Variants in ADAMDEC1 observed in about 807,000 individuals in gnomAD.
ADAMDEC1 encodes the protein ADAM DEC1.
A neutral mutation model predicts 60.4 loss-of-function variants in ADAMDEC1; 62 were observed. The ratio of observed to expected loss-of-function variants is 1.03; its 90% confidence interval spans 0.84 to 1.27. The LOEUF (loss-of-function observed/expected upper bound fraction) is 1.27. Among genes scored for constraint, ADAMDEC1 ranks in the 50% most tolerant of loss-of-function variants. The pLI, the probability that ADAMDEC1 is intolerant of heterozygous loss-of-function variation, is 0.00. For synonymous variants in ADAMDEC1, 210 were observed against 195.1 expected (o/e 1.08, Z -0.64); for missense variants, 595 against 565.0 (o/e 1.05, Z -0.54).
intron 2 of ADAMDEC1, among the ~76,000 whole-genome samples, chr8:24,393,007 C>A (rs1030126966): frequency 6.8e-6 from 1 of 146,260 alleles, no homozygotes; most frequent in Non-Finnish European, 1.5e-5. Flanking sequence ...GTATACTGTA[C>A]ATTAGGGCAA....
chr8:24,405,300 T>A lies in ADAMDEC1; in HGVS notation c.*2T>A. The A allele has an allele frequency of 6.2e-7, 1 of 1,612,744 alleles. No individual in the cohort carries two copies. On this transcript the variant is annotated 3_prime_UTR_variant, in exon 14 of 14. Transcript: ENST00000256412. ...ATTTTTCCTTCAATCAGAGAGTGAA[T>A]CCAAAAGTCTGCTTCACTGAGATGC...
chr8:24,399,571 A>C, intron 10 of ADAMDEC1, 97 bp downstream of exon 10: 1 of 1,014,310 alleles, frequency 9.9e-7, no homozygotes, highest in Non-Finnish European at 1.6e-6. Flanking sequence ...ACATTTGCTG[A>C]ATCAATGAAT....
chr8:24,392,302 A>G lies in ADAMDEC1; in HGVS notation c.129A>G (p.Glu43=). Residue 43 remains glutamate (E), a synonymous_variant, in exon 2 of 14, where the codon GAA becomes GAG. Coordinates refer to ENST00000256412, the MANE Select transcript of ADAMDEC1 (RefSeq NM_014479.3). ...AAACACCTGAATTAACGCTCCATGAAATAGTTTGTCCTAAAAAACTTCACA... is the reference window on the plus strand; with the variant it reads ...AAACACCTGAATTAACGCTCCATGAGATAGTTTGTCCTAAAAAACTTCACA... The part of the protein sequence containing the change: ...IKQTPELTLH[E]IVCPKKLHIL... The G allele has an allele frequency of 6.2e-7, 1 of 1,611,562 alleles. No homozygotes were observed.
rs762482978 is a variant in ADAMDEC1, at chr8:24,397,468, T to C, written c.627+12T>C. On this transcript the variant is annotated intron_variant, in intron 6 of 13. Coordinates refer to ENST00000256412, the MANE Select transcript of ADAMDEC1 (RefSeq NM_014479.3). Reference sequence around the variant, plus strand: ...TCAAAAGCCCAGAGGTGAATACAATTCCCTTACCTCATCATTTACTTCAAT... The same window carrying C: ...TCAAAAGCCCAGAGGTGAATACAATCCCCTTACCTCATCATTTACTTCAAT... 19 of 1,607,746 alleles carry C rather than the reference T, an allele frequency of 1.2e-5. 1 individual carries two copies.
rs765036264 is a variant in ADAMDEC1 at position 24,397,227 on chromosome 8, T to C, written c.441-43T>C. The stretch of plus-strand genomic sequence containing the variant: ...CCATTCTTGGAAGCAAATATGACAC[T>C]GTGTGTCAGGAATCCTGAAATATAA... On this transcript the variant is annotated intron_variant, in intron 5 of 13. Transcript: ENST00000256412. 2.6e-6 allele frequency: 4 copies of C among 1,546,696 alleles called. No individual in the cohort carries two copies. The Admixed American group carries it at 5.8e-5, about 22-fold the overall frequency.
chr8:24,385,106 T>C (rs1294503952), intron 1 of ADAMDEC1, among the ~76,000 whole-genome samples: 1 of 152,158 alleles, frequency 6.6e-6, no homozygotes, highest in Non-Finnish European at 1.5e-5. Flanking sequence ...ATATTATTGA[T>C]AGATGAACCA....
At chr8:24,399,062 G>C (rs1817692551) in intron 9 of ADAMDEC1, 22 bp downstream of exon 9, 1 of 1,602,710 alleles carries the variant, frequency 6.2e-7, no homozygotes, top group Non-Finnish European at 8.5e-7. Context: ...CTGGCCAGGT[G>C]AATGTAGGCA....
At chr8:24,403,142 T>C (rs1023954507) in intron 12 of ADAMDEC1, among the ~76,000 whole-genome samples, 7 of 152,166 alleles carry the variant, frequency 4.6e-5, no homozygotes, top group African/African-American at 1.7e-4. Context: ...TCTTGAATTA[T>C]GTCAGTCAAC....
rs553167247 is a variant in ADAMDEC1 at position 24,401,016 on chromosome 8, T to C, written c.1142+716T>C. Among the ~76,000 whole-genome samples the C allele has an allele frequency of 2.6e-5, 4 of 152,218 alleles. No homozygotes were observed. In the South Asian group the frequency reaches 8.3e-4, roughly 32 times the overall value. ...TATTCCATGGTGTATATATGCCACA[T>C]TTTCTTAATCCAGTCTATCATTGTT... On this transcript the variant is annotated intron_variant, in intron 11 of 13. Transcript: ENST00000256412.
rs753778596 is a variant in ADAMDEC1 at position 24,399,425 on chromosome 8, T to G, written c.962T>G (p.Leu321Arg). ...AGCTTCAACAATCGACGTGTGGGAC[T>G]GGCAGCTTCAAATTCCTTGTGTTCC... ...GISFNNRRVGLAASNSLCSPS... is the reference protein window; with the variant it reads ...GISFNNRRVGRAASNSLCSPS... Residue 321 changes from leucine (L) to arginine (R), a missense_variant, in exon 10 of 14, where the codon CTG becomes CGG. Coordinates refer to ENST00000256412, the MANE Select transcript of ADAMDEC1 (RefSeq NM_014479.3). 1 of 1,614,020 alleles carries G rather than the reference T, an allele frequency of 6.2e-7. No individual in the cohort carries two copies. Among genetic ancestry groups the G allele is most frequent in the Non-Finnish European group, 8.5e-7 (1 of 1,179,924 alleles).
chr8:24,398,434 A>G lies in ADAMDEC1; in HGVS notation c.691-46A>G, dbSNP rs772168297. 3 of 1,137,962 alleles carry G rather than the reference A, an allele frequency of 2.6e-6. No homozygotes were observed. In the Admixed American group the frequency reaches 6.6e-5, roughly 25 times the overall value. 70.5% of individuals were successfully genotyped at this position (1,137,962 alleles called of 1,614,324 possible). A position where few individuals can be genotyped will look rare whatever the true frequency, so the allele number is the denominator to read the frequency against. The stretch of plus-strand genomic sequence containing the variant: ...AATCTTGTATGCCATCAGCTTTCTC[A>G]GTGTAATCTGCTATTTCACTATACT... On this transcript the variant is annotated intron_variant, in intron 7 of 13. Coordinates refer to ENST00000256412, the MANE Select transcript of ADAMDEC1 (RefSeq NM_014479.3).
chr8:24,393,237 G>T (rs781419082), intron 2 of ADAMDEC1, 25 bp from the exon 3 acceptor site: 1 of 1,399,494 alleles, frequency 7.1e-7, no homozygotes, highest in Non-Finnish European at 1.0e-6. Context: ...AATATAAATT[G>T]CTTGATGTAA....
intron 1 of ADAMDEC1, among the ~76,000 whole-genome samples, chr8:24,391,053 T>C (rs868488045): frequency 6.6e-6 from 1 of 152,200 alleles, no homozygotes; most frequent in South Asian, 2.1e-4. Flanking sequence ...TAAAAGATCA[T>C]TTACTCATAC....
At position 24,399,451 on chromosome 8, in the gene ADAMDEC1, C is replaced by T; in HGVS notation, c.988C>T (p.Pro330Ser). The T allele has an allele frequency of 6.2e-7, 1 of 1,613,754 alleles. No individual in the cohort carries two copies. Among genetic ancestry groups the T allele is most frequent in the Non-Finnish European group, 8.5e-7 (1 of 1,179,846 alleles). The change falls in exon 10 of 14, where the codon CCA becomes TCA. Residue 330 changes from proline to serine, a missense_variant. By Grantham distance (74) the Pro-to-Ser change is moderately conservative. Coordinates refer to ENST00000256412, the MANE Select transcript of ADAMDEC1 (RefSeq NM_014479.3). The stretch of plus-strand genomic sequence containing the variant: ...GGCAGCTTCAAATTCCTTGTGTTCC[C>T]CATCTTCGGTTGCTGTTATTGAGGT... The part of the protein sequence containing the change: ...GLAASNSLCS[P>S]SSVAVIEAKK...
At position 24,398,437 on chromosome 8, in the gene ADAMDEC1, G is replaced by A. The variant is rs893879042; in HGVS notation, c.691-43G>A. Reference sequence around the variant, plus strand: ...CTTGTATGCCATCAGCTTTCTCAGTGTAATCTGCTATTTCACTATACTTTG... The same window carrying A: ...CTTGTATGCCATCAGCTTTCTCAGTATAATCTGCTATTTCACTATACTTTG... On this transcript the variant is annotated intron_variant, in intron 7 of 13. Coordinates refer to ENST00000256412, the MANE Select transcript of ADAMDEC1 (RefSeq NM_014479.3). 5.8e-6 allele frequency: 7 copies of A among 1,202,248 alleles called. No homozygotes were observed. In the African/African-American group the frequency reaches 1.1e-4, roughly 19 times the overall value. 74.5% of individuals were successfully genotyped at this position (1,202,248 alleles called of 1,614,324 possible). A position where few individuals can be genotyped will look rare whatever the true frequency, so the allele number is the denominator to read the frequency against.
intron 12 of ADAMDEC1, 37 bp downstream of exon 12, chr8:24,402,129 T>G (rs768410658): frequency 6.7e-7 from 1 of 1,501,538 alleles, no homozygotes; most frequent in South Asian, 1.3e-5. Flanking sequence ...AGAAGAATTA[T>G]GCAGTTTTCT....
chr8:24,398,844 T>C (rs1338253022), intron 8 of ADAMDEC1, 30 bp from the exon 9 acceptor site: 2 of 1,606,014 alleles, frequency 1.2e-6, no homozygotes, highest in Non-Finnish European at 8.5e-7. Context: ...ATCCTGAACA[T>C]TTTTATGAAG....
At chr8:24,404,629 C>A (rs1220227215) in intron 13 of ADAMDEC1, among the ~76,000 whole-genome samples, 1 of 152,002 alleles carries the variant, frequency 6.6e-6, no homozygotes, top group East Asian at 1.9e-4. Context: ...GAAAATGGTA[C>A]TTGTTTCAGT....
chr8:24,390,308 C>T (rs1817410388), intron 1 of ADAMDEC1: 1 of 608,824 alleles, frequency 1.6e-6, no homozygotes, highest in Non-Finnish European at 2.3e-6. Context: ...TTTGAGACAT[C>T]ATAGTTAAAA....
Sources: gnomAD v4.1 joint callset for allele counts (sites outside exome capture counted in the v4.1 genomes callset) on GRCh38, gnomAD v4.1.1 for gene constraint, MANE v1.5 for transcripts, NCBI Gene and HGNC (gene_info 2026-07-23, HGNC 2026-07-21) for gene names.